Variants in PPP3CC observed in about 807,000 individuals in gnomAD.
PPP3CC encodes protein phosphatase 3 catalytic subunit gamma, also known as serine/threonine-protein phosphatase 2B catalytic subunit gamma isoform.
A neutral mutation model predicts 60.3 loss-of-function variants in PPP3CC; 35 were observed. The ratio of observed to expected loss-of-function variants is 0.58; its 90% CI spans 0.44 to 0.77. PPP3CC has a LOEUF of 0.77. Among genes scored for constraint, PPP3CC ranks in the 30% least tolerant of loss-of-function variants. The probability of loss-of-function intolerance (pLI) is 0.00; values close to 1 mark genes in which losing one functional copy is unlikely to be tolerated. For synonymous variants in PPP3CC, 206 were observed against 224.3 expected (o/e 0.92, Z 0.73); for missense variants, 570 against 628.9 (o/e 0.91, Z 1.00).
At chr8:22,451,033 G>A (rs1356951591) in intron 1 of PPP3CC, among the ~76,000 whole-genome samples, 1 of 149,236 alleles carries the variant, frequency 6.7e-6, no homozygotes, top group Admixed American at 6.7e-5. Context: ...TAGAGATGGG[G>A]TTTCACCGTG....
intron 3 of PPP3CC, among the ~76,000 whole-genome samples, chr8:22,479,796 C>G (rs1838006545): frequency 1.3e-5 from 2 of 150,494 alleles, no homozygotes; most frequent in Admixed American, 1.3e-4. Context: ...GGGGCATACA[C>G]ACAGACTGAG....
chr8:22,532,651 G>C (rs1258924601), intron 11 of PPP3CC, among the ~76,000 whole-genome samples: 2 of 152,178 alleles, frequency 1.3e-5, no homozygotes, highest in East Asian at 1.9e-4. Context: ...TAGCGCACAG[G>C]TTGTTAGGTG....
chr8:22,451,643 G>A (rs186442261), intron 1 of PPP3CC, among the ~76,000 whole-genome samples: 13 of 152,300 alleles, frequency 8.5e-5, no homozygotes, highest in Admixed American at 5.9e-4. Context: ...AGCCCCCTTC[G>A]GTTGTGATAT....
intron 3 of PPP3CC, among the ~76,000 whole-genome samples, chr8:22,486,452 T>C (rs555289381): frequency 4.6e-5 from 7 of 152,294 alleles, no homozygotes; most frequent in Admixed American, 3.9e-4. Context: ...GCTGGGTTTT[T>C]GTTTGTTTGT....
At chr8:22,535,402 T>A (rs996286001) in intron 12 of PPP3CC, among the ~76,000 whole-genome samples, 1 of 152,266 alleles carries the variant, frequency 6.6e-6, no homozygotes, top group South Asian at 2.1e-4. Context: ...ATTAATATCT[T>A]AAACTAAAGT....
intron 4 of PPP3CC, among the ~76,000 whole-genome samples, chr8:22,509,082 A>G (rs764925683): frequency 1.3e-5 from 2 of 152,226 alleles, no homozygotes; most frequent in Non-Finnish European, 1.5e-5. Flanking sequence ...TATTGGCGTT[A>G]AAGAGAAATC....
chr8:22,495,906 C>A (rs910925817), intron 3 of PPP3CC, among the ~76,000 whole-genome samples: 5 of 152,046 alleles, frequency 3.3e-5, no homozygotes, highest in Non-Finnish European at 7.4e-5. Context: ...TATTTTATTG[C>A]CTCTGGATTT....
intron 13 of PPP3CC, among the ~76,000 whole-genome samples, chr8:22,540,208 C>T (rs889903298): frequency 3.9e-5 from 6 of 152,000 alleles, no homozygotes; most frequent in Non-Finnish European, 5.9e-5. Flanking sequence ...GGCCTTTGTG[C>T]GAAAAGCAAC....
chr8:22,531,204 A>T, intron 10 of PPP3CC: 1 of 1,189,564 alleles, frequency 8.4e-7, no homozygotes, highest in Non-Finnish European at 1.2e-6. Flanking sequence ...ATTGCATTTC[A>T]CTTTGATTTT....
At chr8:22,444,209 T>C (rs1348602008) in intron 1 of PPP3CC, among the ~76,000 whole-genome samples, 4 of 151,688 alleles carry the variant, frequency 2.6e-5, no homozygotes, top group Non-Finnish European at 4.4e-5. Context: ...TGAGCCAAGA[T>C]TGTGCCACTG....
intron 4 of PPP3CC, among the ~76,000 whole-genome samples, chr8:22,499,166 G>A (rs1490991031): frequency 3.3e-5 from 5 of 150,884 alleles, no homozygotes; most frequent in Non-Finnish European, 5.9e-5. Context: ...CAGGCCGGGC[G>A]CGGTGGCTCA....
At chr8:22,515,182 T>C in intron 6 of PPP3CC, among the ~76,000 whole-genome samples, 1 of 152,150 alleles carries the variant, frequency 6.6e-6, no homozygotes, top group East Asian at 1.9e-4. Flanking sequence ...AGTTCAGTTG[T>C]TTTAATTTTT....
rs79191408 is a variant in PPP3CC at position 22,480,992 on chromosome 8, A to G, written c.372+5368A>G. On this transcript the variant is annotated intron_variant, in intron 3 of 13. Coordinates refer to ENST00000240139, the MANE Select transcript of PPP3CC (RefSeq NM_005605.5). ...TGGGGACGTTTGTCAAAGATGTCAA[A>G]AGGCTCAGAACATCTGATCAAAACA... is the stretch of plus-strand genomic sequence containing the variant. Among the ~76,000 whole-genome samples, 106 of 152,338 alleles carry G rather than the reference A, an allele frequency of 7.0e-4. 1 individual carries two copies. The East Asian group carries it at 0.019, about 28-fold the overall frequency.
At chr8:22,443,000 G>GT (rs1431647036) in intron 1 of PPP3CC, among the ~76,000 whole-genome samples, 2 of 152,170 alleles carry the variant, frequency 1.3e-5, no homozygotes. Flanking sequence ...CTTAGCTGAA[G>GT]TAGGCAGGGA....
chr8:22,446,409 T>G (rs1369480629), intron 1 of PPP3CC, among the ~76,000 whole-genome samples: 1 of 152,050 alleles, frequency 6.6e-6, no homozygotes, highest in Non-Finnish European at 1.5e-5. Flanking sequence ...CAAGGGACTC[T>G]GAGAGAAAAA....
chr8:22,473,227 T>G (rs1837783325), intron 1 of PPP3CC, among the ~76,000 whole-genome samples: 1 of 152,186 alleles, frequency 6.6e-6, no homozygotes. Flanking sequence ...TATCAGAAAT[T>G]CAATTGAACG....
At chr8:22,529,839 T>C (rs921794708) in intron 10 of PPP3CC, among the ~76,000 whole-genome samples, 1 of 152,108 alleles carries the variant, frequency 6.6e-6, no homozygotes, top group Non-Finnish European at 1.5e-5. Flanking sequence ...TACAGTAACA[T>C]TTTATTATAT....
chr8:22,471,242 A>G (rs555532996), intron 1 of PPP3CC, among the ~76,000 whole-genome samples: 1 of 151,462 alleles, frequency 6.6e-6, no homozygotes, highest in East Asian at 1.9e-4. Context: ...ACTTTTATCT[A>G]CATCCAGCTC....
At chr8:22,527,672 G>A (rs1415394147) in intron 9 of PPP3CC, 155 bp downstream of exon 9, 13 of 903,672 alleles carry the variant, frequency 1.4e-5, no homozygotes, top group Non-Finnish European at 2.1e-5. Context: ...GTCTCGCTCT[G>A]TCACCCAGGC....
Sources: gnomAD v4.1 joint callset for allele counts (sites outside exome capture counted in the v4.1 genomes callset) on GRCh38, gnomAD v4.1.1 for gene constraint, MANE v1.5 for transcripts, NCBI Gene and HGNC (gene_info 2026-07-23, HGNC 2026-07-21) for gene names.